The following RXFP1 variants were observed in gnomAD, a reference collection of about 807,000 sequenced individuals.
The protein encoded by RXFP1 is relaxin family peptide receptor 1.
A neutral mutation model predicts 89.8 loss-of-function variants in RXFP1; 73 were observed. That is an observed-to-expected ratio of 0.81 (90% CI 0.67 to 0.99). The LOEUF (loss-of-function observed/expected upper bound fraction) is 0.99. RXFP1 is among the 50% of genes least tolerant of loss of function. The pLI is 0.00. For synonymous variants in RXFP1, 277 were observed against 305.5 expected (o/e 0.91, Z 0.97); for missense variants, 793 against 895.5 (o/e 0.89, Z 1.46).
intron 1 of RXFP1, among the ~76,000 whole-genome samples, chr4:158,547,660 C>T (rs1336933825): frequency 4.6e-5 from 7 of 151,996 alleles, no homozygotes; most frequent in Admixed American, 3.3e-4. Flanking sequence ...TCTTTGTTCT[C>T]GTTGGTTTCA....
chr4:158,603,456 G>T lies in RXFP1; in HGVS notation c.393-1612G>T, dbSNP rs558703482. 4.6e-5 allele frequency among the ~76,000 whole-genome samples: 7 copies of T among 152,274 alleles called. No individual in the cohort carries two copies. In the South Asian group the frequency reaches 1.5e-3, roughly 32 times the overall value. ...TTAATCAGCCTTTGGTATTATTTAT[G>T]TAAAAAGCCATTAAGTGTCTGATAT... On this transcript the variant is annotated intron_variant, in intron 4 of 17. Coordinates refer to ENST00000307765, the MANE Select transcript of RXFP1 (RefSeq NM_021634.4).
intron 6 of RXFP1, chr4:158,610,692 A>T (rs1366437517): frequency 1.6e-6 from 2 of 1,289,716 alleles, no homozygotes; most frequent in Non-Finnish European, 2.0e-6. Flanking sequence ...ACAGGTGAGC[A>T]TAGGGAGCAA....
Position 158,600,745 on chromosome 4 carries a change from T to G in RXFP1, c.392+1314T>G, listed in dbSNP as rs1327105151. The stretch of plus-strand genomic sequence containing the variant: ...TGGAGGCTGAGGCAAGGGGATCACT[T>G]GAGCCTGGGAGGTCAAGGCTGCAGT... On this transcript the variant is annotated intron_variant, in intron 4 of 17. Transcript: ENST00000307765. 4.6e-5 allele frequency among the ~76,000 whole-genome samples: 7 copies of G among 152,064 alleles called. No homozygotes were observed. In the East Asian group the frequency reaches 1.4e-3, roughly 29 times the overall value.
At chr4:158,612,399 G>A (rs748221140) in intron 8 of RXFP1, 37 bp downstream of exon 8, 8 of 1,388,698 alleles carry the variant, frequency 5.8e-6, no homozygotes, top group African/African-American at 4.4e-5. Context: ...TCAATCAAAG[G>A]CAAAGACATG....
intron 8 of RXFP1, among the ~76,000 whole-genome samples, chr4:158,612,880 A>G (rs533119785): frequency 1.3e-5 from 2 of 152,192 alleles, no homozygotes; most frequent in Non-Finnish European, 2.9e-5. Flanking sequence ...AAGTGCTGGG[A>G]TTAAGGCGTG....
Position 158,647,097 on chromosome 4 carries a change from A to G in RXFP1, c.1652A>G (p.Glu551Gly). Reference sequence around the variant, plus strand: ...GCTTTCATTCCATTGAGCAATAAGGAATTTTTCAAAAACTACTATGGCACC... The same window carrying G: ...GCTTTCATTCCATTGAGCAATAAGGGATTTTTCAAAAACTACTATGGCACC... The part of the protein sequence containing the change: ...IVAFIPLSNK[E>G]FFKNYYGTNG... Residue 551 changes from glutamate to glycine, a missense_variant, in exon 16 of 18, where the codon GAA becomes GGA. Coordinates refer to ENST00000307765, the MANE Select transcript of RXFP1 (RefSeq NM_021634.4). 1 of 1,614,126 alleles carries G rather than the reference A, an allele frequency of 6.2e-7. No individual in the cohort carries two copies. The highest frequency in any genetic ancestry group is 8.5e-7 in the Non-Finnish European group (1 of 1,180,004).
chr4:158,572,465 C>A (rs1447063388), intron 1 of RXFP1, among the ~76,000 whole-genome samples: 1 of 152,118 alleles, frequency 6.6e-6, no homozygotes. Context: ...AGAGGCACTC[C>A]GGGTGGGAAA....
intron 9 of RXFP1, among the ~76,000 whole-genome samples, chr4:158,621,176 C>T (rs949712669): frequency 6.6e-6 from 1 of 152,046 alleles, no homozygotes; most frequent in African/African-American, 2.4e-5. Flanking sequence ...AGCATGGTAG[C>T]ATGCACCTGT....
At chr4:158,537,724 G>C (rs1358380542) in intron 1 of RXFP1, among the ~76,000 whole-genome samples, 9 of 152,132 alleles carry the variant, frequency 5.9e-5, no homozygotes, top group Non-Finnish European at 1.5e-5. Context: ...ACTCCAGAAA[G>C]ATCCCTCACC....
At chr4:158,618,997 T>G (rs994712432) in intron 9 of RXFP1, among the ~76,000 whole-genome samples, 12 of 152,036 alleles carry the variant, frequency 7.9e-5, no homozygotes, top group African/African-American at 2.9e-4. Context: ...GAAGTCAATA[T>G]GAAAAGCTTG....
At chr4:158,616,055 C>T (rs371865887) in intron 8 of RXFP1, among the ~76,000 whole-genome samples, 8 of 152,342 alleles carry the variant, frequency 5.3e-5, no homozygotes, top group Middle Eastern at 3.4e-3. Flanking sequence ...TAGACTTGCT[C>T]AATGCAAGGT....
chr4:158,598,525 A>T (rs1761065172), intron 3 of RXFP1, among the ~76,000 whole-genome samples: 1 of 152,172 alleles, frequency 6.6e-6, no homozygotes, highest in African/African-American at 2.4e-5. Context: ...CAGGAATCAA[A>T]CTATATTTAT....
intron 9 of RXFP1, among the ~76,000 whole-genome samples, chr4:158,626,298 C>A (rs1280338521): frequency 2.6e-5 from 4 of 151,960 alleles, no homozygotes; most frequent in Non-Finnish European, 5.9e-5. Context: ...AGGGTATTCC[C>A]AATAGTAAAA....
At chr4:158,622,716 G>T (rs1765853756) in intron 9 of RXFP1, among the ~76,000 whole-genome samples, 1 of 152,178 alleles carries the variant, frequency 6.6e-6, no homozygotes, top group Non-Finnish European at 1.5e-5. Context: ...ATGGCAGGGG[G>T]AATGAGGAGA....
chr4:158,644,770 G>A (rs868098528), intron 14 of RXFP1, 139 bp from the exon 15 acceptor site: 17 of 635,680 alleles, frequency 2.7e-5, no homozygotes, highest in Non-Finnish European at 4.1e-5. Context: ...TAAAGTTTCA[G>A]AATCCCTAAT....
chr4:158,538,864 T>C (rs1414704537), intron 1 of RXFP1, among the ~76,000 whole-genome samples: 1 of 151,830 alleles, frequency 6.6e-6, no homozygotes, highest in Non-Finnish European at 1.5e-5. Flanking sequence ...GACTTCTCTA[T>C]GAAATAATTC....
chr4:158,590,729 G>A (rs542590557), intron 2 of RXFP1, among the ~76,000 whole-genome samples: 2 of 152,156 alleles, frequency 1.3e-5, no homozygotes, highest in African/African-American at 2.4e-5. Context: ...TAACCCATCC[G>A]ATGTTTCCAT....
At chr4:158,630,342 T>C (rs1244834238) in intron 11 of RXFP1, among the ~76,000 whole-genome samples, 1 of 152,188 alleles carries the variant, frequency 6.6e-6, no homozygotes, top group African/African-American at 2.4e-5. Context: ...AATTGAACCA[T>C]ATCATCAGCA....
At chr4:158,651,062 T>C (rs1196115922) in intron 17 of RXFP1, among the ~76,000 whole-genome samples, 1 of 152,156 alleles carries the variant, frequency 6.6e-6, no homozygotes, top group South Asian at 2.1e-4. Flanking sequence ...AGGTCAAGAC[T>C]GCAGTGAGCC....
Sources: allele counts gnomAD v4.1 joint callset (sites outside exome capture counted in the v4.1 genomes callset), GRCh38; gene constraint gnomAD v4.1.1; transcripts MANE v1.5; gene names NCBI Gene and HGNC (gene_info 2026-07-23, HGNC 2026-07-21).